Variants in KAT6B observed in about 807,000 individuals in gnomAD.
KAT6B encodes lysine acetyltransferase 6B, also known as histone acetyltransferase KAT6B.
Under a neutral mutation model 187.5 loss-of-function variants are expected in KAT6B, and 10 were observed. The ratio of observed to expected loss-of-function variants is 0.05; its 90% confidence interval spans 0.03 to 0.09. The LOEUF is 0.09. Ranked by LOEUF, KAT6B falls within the 10% of genes least tolerant of loss-of-function variation. The probability of loss-of-function intolerance (pLI) is 1.00; values close to 1 mark genes in which losing one functional copy is unlikely to be tolerated. For synonymous variants in KAT6B, 861 were observed against 926.8 expected (o/e 0.93, Z 1.29); for missense variants, 1,952 against 2,558.9 (o/e 0.76, Z 5.12).
intron 3 of KAT6B, among the ~76,000 whole-genome samples, chr10:74,891,572 A>AT (rs1845648151): frequency 6.6e-6 from 1 of 152,234 alleles, no homozygotes; most frequent in African/African-American, 2.4e-5. Flanking sequence ...ACAAGCAACA[A>AT]TTTGCAAATT....
intron 13 of KAT6B, among the ~76,000 whole-genome samples, chr10:75,008,552 C>G (rs139280687): frequency 6.6e-6 from 1 of 152,170 alleles, no homozygotes; most frequent in East Asian, 1.9e-4. Flanking sequence ...GTTCACCCAG[C>G]GTTGGAGCTT....
At chr10:74,998,638 T>G (rs1843620397) in intron 13 of KAT6B, among the ~76,000 whole-genome samples, 1 of 152,320 alleles carries the variant, frequency 6.6e-6, no homozygotes, top group East Asian at 1.9e-4. Flanking sequence ...CTGAGAATTA[T>G]GTTCTGACCA....
At chr10:74,901,952 A>T (rs1846429813) in intron 3 of KAT6B, among the ~76,000 whole-genome samples, 1 of 152,186 alleles carries the variant, frequency 6.6e-6, no homozygotes, top group African/African-American at 2.4e-5. Flanking sequence ...CTTGTCAGAA[A>T]TCAAAGAAGT....
chr10:75,008,122 A>C (rs1315995713), intron 13 of KAT6B, among the ~76,000 whole-genome samples: 1 of 152,226 alleles, frequency 6.6e-6, no homozygotes, highest in Non-Finnish European at 1.5e-5. Context: ...CAGAATGAGG[A>C]TGAAATGGAG....
At chr10:75,021,733 G>A (rs1845419561) in intron 15 of KAT6B, 148 bp from the exon 16 acceptor site, 1 of 767,816 alleles carries the variant, frequency 1.3e-6, no homozygotes, top group South Asian at 1.5e-5. Flanking sequence ...TGATGCAAAA[G>A]GTTCCTGAGA....
At chr10:74,880,754 T>G (rs926498479) in intron 3 of KAT6B, among the ~76,000 whole-genome samples, 1 of 152,066 alleles carries the variant, frequency 6.6e-6, no homozygotes, top group Non-Finnish European at 1.5e-5. Context: ...TAACTGGGAT[T>G]ACAGGCGCAC....
At chr10:74,844,795 G>A (rs1375743941) in intron 3 of KAT6B, among the ~76,000 whole-genome samples, 1 of 152,212 alleles carries the variant, frequency 6.6e-6, no homozygotes, top group Non-Finnish European at 1.5e-5. Flanking sequence ...ACAAAGTAGA[G>A]CAGCAGAAAG....
chr10:74,917,779 G>A lies in KAT6B; in HGVS notation c.622-42191G>A, dbSNP rs546346649. ...AAAGAATGGGGAAACTTTTCCTTGT[G>A]GAGAAATGGAGTGGAAGAGGAGTTC... On this transcript the variant is annotated intron_variant, in intron 3 of 17. Coordinates refer to ENST00000287239, the MANE Select transcript of KAT6B (RefSeq NM_012330.4). Among the ~76,000 whole-genome samples, 3 of 152,302 alleles carry A rather than the reference G, an allele frequency of 2.0e-5. No individual in the cohort carries two copies. The East Asian group carries it at 5.8e-4, about 29-fold the overall frequency.
chr10:74,920,846 T>C (rs899268577), intron 3 of KAT6B, among the ~76,000 whole-genome samples: 1 of 152,148 alleles, frequency 6.6e-6, no homozygotes, highest in Non-Finnish European at 1.5e-5. Flanking sequence ...TTCTCTGCTG[T>C]TCCATCCCAA....
At chr10:74,951,879 A>G (rs1465753212) in intron 3 of KAT6B, among the ~76,000 whole-genome samples, 1 of 152,246 alleles carries the variant, frequency 6.6e-6, no homozygotes, top group Non-Finnish European at 1.5e-5. Flanking sequence ...ACCAGTTCCC[A>G]ACTTCAGAGC....
At chr10:74,923,938 T>C (rs1378525861) in intron 3 of KAT6B, among the ~76,000 whole-genome samples, 6 of 152,102 alleles carry the variant, frequency 3.9e-5, no homozygotes, top group African/African-American at 1.4e-4. Flanking sequence ...GCAAGAGATA[T>C]GATGGTTTAG....
intron 4 of KAT6B, among the ~76,000 whole-genome samples, chr10:74,967,060 C>T (rs1406269896): frequency 6.7e-6 from 1 of 150,238 alleles, no homozygotes; most frequent in Non-Finnish European, 1.5e-5. Context: ...GGCGCTGTGG[C>T]TCACACCTGT....
intron 3 of KAT6B, among the ~76,000 whole-genome samples, chr10:74,883,180 T>C (rs775892414): frequency 1.3e-5 from 2 of 152,348 alleles, no homozygotes; most frequent in South Asian, 2.1e-4. Flanking sequence ...CTTACCTTGA[T>C]GAAATTTTTA....
At chr10:74,837,780 A>T (rs1251914947) in intron 1 of KAT6B, among the ~76,000 whole-genome samples, 2 of 152,166 alleles carry the variant, frequency 1.3e-5, no homozygotes, top group Non-Finnish European at 2.9e-5. Context: ...TGGATAATAT[A>T]CATGTGTTTA....
intron 10 of KAT6B, among the ~76,000 whole-genome samples, chr10:74,981,555 G>A (rs1175828946): frequency 6.6e-6 from 1 of 152,070 alleles, no homozygotes; most frequent in Non-Finnish European, 1.5e-5. Flanking sequence ...TGCATTTTTA[G>A]TAGTGATGAG....
intron 3 of KAT6B, among the ~76,000 whole-genome samples, chr10:74,901,705 T>C (rs1378799630): frequency 6.6e-6 from 1 of 152,158 alleles, no homozygotes; most frequent in Non-Finnish European, 1.5e-5. Context: ...CTGGGATTGT[T>C]CTGTTTGTGA....
At chr10:74,993,306 T>C (rs1286324328) in intron 13 of KAT6B, among the ~76,000 whole-genome samples, 2 of 152,218 alleles carry the variant, frequency 1.3e-5, no homozygotes, top group African/African-American at 4.8e-5. Flanking sequence ...AGAGAAAAGC[T>C]CTAAGAATAA....
intron 3 of KAT6B, among the ~76,000 whole-genome samples, chr10:74,903,784 G>A (rs1846561990): frequency 6.6e-6 from 1 of 152,180 alleles, no homozygotes; most frequent in Admixed American, 6.5e-5. Flanking sequence ...ATAGTCCAGG[G>A]TCTGGCTAAT....
rs1009260129 is a variant in KAT6B at position 75,005,561 on chromosome 10, T to TTTGG, written c.2630-15001_2630-14998dup. On this transcript the variant is annotated intron_variant, in intron 13 of 17. Coordinates refer to ENST00000287239, the MANE Select transcript of KAT6B (RefSeq NM_012330.4). Reference sequence around the variant, plus strand: ...ACTTCAGCTGGTTGTAAGGTAGTTTTTTGGTTGGTTGGTTGGTTGGTTGTT... The same window carrying TTTGG: ...ACTTCAGCTGGTTGTAAGGTAGTTTTTTGGTTGGTTGGTTGGTTGGTTGGTTGTT... Among the ~76,000 whole-genome samples, 18 of 152,142 alleles carry TTTGG rather than the reference T, an allele frequency of 1.2e-4. 1 individual carries two copies. Among genetic ancestry groups the TTTGG allele is most frequent in the East Asian group, 5.8e-4 (3 of 5,202 alleles).
Sources: gnomAD v4.1 joint callset for allele counts (sites outside exome capture counted in the v4.1 genomes callset) on GRCh38, gnomAD v4.1.1 for gene constraint, MANE v1.5 for transcripts, NCBI Gene and HGNC (gene_info 2026-07-23, HGNC 2026-07-21) for gene names.